Variants in GPC3 observed in about 807,000 individuals in gnomAD.
The protein encoded by GPC3 is glypican-3.
GPC3 carries 3 observed loss-of-function variants against 34.4 expected under a neutral mutation model. The ratio of observed to expected loss-of-function variants is 0.09; its 90% CI spans 0.04 to 0.23. The LOEUF (loss-of-function observed/expected upper bound fraction) is 0.23. Ranked by LOEUF, GPC3 falls within the 10% of genes least tolerant of loss-of-function variation. The probability of loss-of-function intolerance (pLI) is 1.00; values close to 1 mark genes in which losing one functional copy is unlikely to be tolerated. For synonymous variants in GPC3, 177 were observed against 174.0 expected (o/e 1.02, Z -0.13); for missense variants, 351 against 445.6 (o/e 0.79, Z 1.91).
chrX:133,933,703 T>C (rs1210271167), intron 2 of GPC3, among the ~76,000 whole-genome samples: 1 of 109,339 alleles, frequency 9.1e-6, no homozygotes, highest in African/African-American at 3.3e-5. Context: ...CCTCACTCTC[T>C]CTCTCCTGCT....
At chrX:133,968,596 G>C (rs1002872065) in intron 1 of GPC3, among the ~76,000 whole-genome samples, 1 of 111,707 alleles carries the variant, frequency 9.0e-6, no homozygotes, top group African/African-American at 3.3e-5. Flanking sequence ...AAAGAGCTTA[G>C]CACAGTGCCT....
chrX:133,585,116 G>A (rs1221683500), intron 7 of GPC3, among the ~76,000 whole-genome samples: 1 of 111,610 alleles, frequency 9.0e-6, no homozygotes, highest in Non-Finnish European at 1.9e-5. Context: ...CAGTAACTTC[G>A]TTCCTACCAG....
Position 133,754,025 on chromosome X carries a change from T to G in GPC3, c.489A>C (p.Val163=), listed in dbSNP as rs2124480706. ...CAAACAATTCATTGACCATGTCATC[T>G]ACATTGATGTCAGAACCCAAGATGT... ...SLYILGSDIN[V]DDMVNELFDS... The change falls in exon 3 of 8, where the codon GTA becomes GTC. Residue 163 remains valine, a synonymous_variant. Transcript: ENST00000370818. 1 of 1,210,545 alleles carries G rather than the reference T, an allele frequency of 8.3e-7. No homozygotes were observed. The highest frequency in any genetic ancestry group is 1.1e-6 in the Non-Finnish European group (1 of 894,392).
chrX:133,800,785 T>C (rs1266654796), intron 2 of GPC3, among the ~76,000 whole-genome samples: 1 of 111,627 alleles, frequency 9.0e-6, no homozygotes, highest in Non-Finnish European at 1.9e-5. Context: ...AGTAGTCTGT[T>C]TGGAGTTCAA....
intron 7 of GPC3, among the ~76,000 whole-genome samples, chrX:133,550,958 G>A (rs1200101912): frequency 8.9e-6 from 1 of 112,387 alleles, no homozygotes; most frequent in Non-Finnish European, 1.9e-5. Context: ...TTTGCTGCCT[G>A]GAACTTGATG....
At chrX:133,916,281 C>T (rs1435471137) in intron 2 of GPC3, among the ~76,000 whole-genome samples, 1 of 110,153 alleles carries the variant, frequency 9.1e-6, no homozygotes. Context: ...AGGTTGTTTA[C>T]AAAGCAGGGT....
At chrX:133,850,207 TTTTTTTG>T (rs1351999079) in intron 2 of GPC3, among the ~76,000 whole-genome samples, 8 of 103,309 alleles carry the variant, frequency 7.7e-5, no homozygotes, top group African/African-American at 2.9e-4. Context: ...TTTTTTTTTT[TTTTTTTG>T]GTAAATAAAG....
intron 6 of GPC3, among the ~76,000 whole-genome samples, chrX:133,655,476 CCA>C (rs758691994): frequency 0.011 from 1,027 of 97,171 alleles, 12 homozygotes; most frequent in African/African-American, 0.021. Context: ...CTTCACACAC[CCA>C]CACACACACA....
chrX:133,655,492 A>C (rs1265547881), intron 6 of GPC3, among the ~76,000 whole-genome samples: 1 of 108,199 alleles, frequency 9.2e-6, no homozygotes, highest in Non-Finnish European at 1.9e-5. Context: ...ACACACACAC[A>C]CACACACACA....
chrX:133,684,346 T>C (rs981091022), intron 5 of GPC3, among the ~76,000 whole-genome samples: 27 of 111,776 alleles, frequency 2.4e-4, no homozygotes, highest in African/African-American at 8.1e-4. Context: ...CAGCCTTTCA[T>C]AAGCAGAGCC....
intron 2 of GPC3, among the ~76,000 whole-genome samples, chrX:133,811,013 G>A (rs1422823183): frequency 9.0e-6 from 1 of 111,321 alleles, no homozygotes; most frequent in African/African-American, 3.3e-5. Flanking sequence ...CATCCTAATC[G>A]TCTGTGTGAA....
intron 5 of GPC3, among the ~76,000 whole-genome samples, chrX:133,665,581 T>C: frequency 8.9e-6 from 1 of 112,246 alleles, no homozygotes; most frequent in African/African-American, 3.2e-5. Flanking sequence ...AAGAGCACAT[T>C]TGATTGCATT....
At chrX:133,852,054 C>T (rs370882176) in intron 2 of GPC3, among the ~76,000 whole-genome samples, 6 of 112,190 alleles carry the variant, frequency 5.3e-5, no homozygotes, top group Admixed American at 1.9e-4. Flanking sequence ...ACGAATTAAA[C>T]GGCTTATATA....
chrX:133,568,378 G>A (rs1342376884), intron 7 of GPC3, among the ~76,000 whole-genome samples: 6 of 112,016 alleles, frequency 5.4e-5, no homozygotes, highest in Non-Finnish European at 1.1e-4. Flanking sequence ...ACAAGATGTC[G>A]TCTCTGTCCT....
chrX:133,724,706 C>G (rs1286754993), intron 3 of GPC3, among the ~76,000 whole-genome samples: 3 of 111,683 alleles, frequency 2.7e-5, no homozygotes, highest in Non-Finnish European at 5.6e-5. Flanking sequence ...ACTCTCAACT[C>G]TGGAATCTTA....
intron 7 of GPC3, among the ~76,000 whole-genome samples, chrX:133,576,820 G>A (rs893473671): frequency 9.1e-6 from 1 of 109,508 alleles, no homozygotes; most frequent in Non-Finnish European, 1.9e-5. Context: ...GGAGGAGGAG[G>A]GTCTTGAAGT....
intron 2 of GPC3, among the ~76,000 whole-genome samples, chrX:133,853,725 T>C (rs918758191): frequency 1.1e-4 from 12 of 112,145 alleles, no homozygotes; most frequent in African/African-American, 3.6e-4. Context: ...TAGTAGAGCA[T>C]AAGAAGTGCA....
At chrX:133,539,624 A>G (rs2069324781) in intron 7 of GPC3, among the ~76,000 whole-genome samples, 2 of 112,250 alleles carry the variant, frequency 1.8e-5, no homozygotes, top group South Asian at 7.4e-4. Context: ...CAAGTCTTCT[A>G]CCTCCAAAAG....
At chrX:133,866,346 C>T (rs747496306) in intron 2 of GPC3, among the ~76,000 whole-genome samples, 120 of 111,705 alleles carry the variant, frequency 1.1e-3, no homozygotes, top group Non-Finnish European at 1.9e-3. Context: ...GTCCCCTTCA[C>T]CTCCTTCAGC....
Sources: gnomAD v4.1 joint callset for allele counts (sites outside exome capture counted in the v4.1 genomes callset) on GRCh38, gnomAD v4.1.1 for gene constraint, MANE v1.5 for transcripts, NCBI Gene and HGNC (gene_info 2026-07-23, HGNC 2026-07-21) for gene names.